The following PREX2 variants were observed in gnomAD, a reference collection of about 807,000 sequenced individuals.
PREX2 encodes phosphatidylinositol 3,4,5-trisphosphate-dependent Rac exchanger 2 protein.
A neutral mutation model predicts 203.2 loss-of-function variants in PREX2; 107 were observed. The ratio of observed to expected loss-of-function variants is 0.53; its 90% CI spans 0.45 to 0.62. The LOEUF (loss-of-function observed/expected upper bound fraction) is 0.62, where lower values mean the gene tolerates loss of function less well. Among genes scored for constraint, PREX2 ranks in the 20% least tolerant of loss-of-function variants. The pLI is 0.00. For missense variants in PREX2, 1,777 were observed against 1,955.9 expected (o/e 0.91, Z 1.72); for synonymous variants, 672 against 663.6 (o/e 1.01, Z -0.19).
intron 9 of PREX2, 60 bp downstream of exon 9, chr8:68,053,306 A>G: frequency 6.5e-7 from 1 of 1,540,704 alleles, no homozygotes; most frequent in Non-Finnish European, 8.9e-7. Flanking sequence ...GCATAGGAGC[A>G]GATAATGGGA....
At chr8:67,990,833 G>A (rs374729621) in intron 1 of PREX2, among the ~76,000 whole-genome samples, 7 of 152,062 alleles carry the variant, frequency 4.6e-5, no homozygotes, top group South Asian at 2.1e-4. Flanking sequence ...TTGATGTGCC[G>A]CCAGGGATAA....
At chr8:68,089,308 T>C (rs1404363282) in intron 19 of PREX2, among the ~76,000 whole-genome samples, 1 of 152,226 alleles carries the variant, frequency 6.6e-6, no homozygotes, top group Non-Finnish European at 1.5e-5. Flanking sequence ...AAATGTGTCC[T>C]TGATCAGTTT....
chr8:68,215,454 G>A (rs192891788), intron 37 of PREX2, among the ~76,000 whole-genome samples: 13 of 152,090 alleles, frequency 8.5e-5, no homozygotes, highest in African/African-American at 2.9e-4. Context: ...ATTTAAAATC[G>A]CAGTGGAGGA....
chr8:68,064,565 A>G (rs546174509), intron 11 of PREX2, among the ~76,000 whole-genome samples: 130 of 151,640 alleles, frequency 8.6e-4, no homozygotes, highest in African/African-American at 3.1e-3. Context: ...ATTTGTAGAA[A>G]TGAGGTCTTG....
intron 11 of PREX2, among the ~76,000 whole-genome samples, chr8:68,062,349 C>T (rs530773930): frequency 6.6e-6 from 1 of 152,256 alleles, no homozygotes; most frequent in Non-Finnish European, 1.5e-5. Flanking sequence ...CTGTTTATAA[C>T]CATCTAATTG....
intron 23 of PREX2, chr8:68,105,676 ATGGAT>A: frequency 6.6e-5 from 18 of 273,910 alleles, no homozygotes; most frequent in Non-Finnish European, 6.8e-5. Flanking sequence ...CCATATATAT[ATGGAT>A]TATATATATA....
intron 7 of PREX2, among the ~76,000 whole-genome samples, chr8:68,042,331 T>G (rs1032120597): frequency 6.6e-6 from 1 of 152,082 alleles, no homozygotes; most frequent in Non-Finnish European, 1.5e-5. Flanking sequence ...TTTTAAAAAG[T>G]TATGATGTAG....
At chr8:68,062,408 C>T (rs1221373890) in intron 11 of PREX2, among the ~76,000 whole-genome samples, 2 of 152,168 alleles carry the variant, frequency 1.3e-5, no homozygotes, top group African/African-American at 4.8e-5. Context: ...ATGCCCTAAA[C>T]TTCTTACCAT....
intron 4 of PREX2, among the ~76,000 whole-genome samples, chr8:68,023,846 T>C (rs1054381069): frequency 6.6e-6 from 1 of 152,118 alleles, no homozygotes; most frequent in African/African-American, 2.4e-5. Flanking sequence ...TCTAAATTTA[T>C]GTATTTGGTA....
intron 35 of PREX2, among the ~76,000 whole-genome samples, chr8:68,182,141 TC>T (rs1298156677): frequency 6.6e-6 from 1 of 152,090 alleles, no homozygotes; most frequent in African/African-American, 2.4e-5. Context: ...AAAGGAAAGC[TC>T]AGCCTCTTAT....
intron 31 of PREX2, among the ~76,000 whole-genome samples, chr8:68,133,831 A>G (rs1811055172): frequency 6.6e-6 from 1 of 152,206 alleles, no homozygotes; most frequent in African/African-American, 2.4e-5. Context: ...CACAATATTG[A>G]TTAGGAAAAA....
intron 11 of PREX2, among the ~76,000 whole-genome samples, chr8:68,068,368 A>G (rs576986471): frequency 1.3e-5 from 2 of 152,214 alleles, no homozygotes; most frequent in African/African-American, 4.8e-5. Flanking sequence ...GAGGATGGTA[A>G]TAAAGAATGA....
chr8:68,053,134 A>G lies in PREX2; in HGVS notation c.981A>G (p.Gly327=). ...FHSSGHIVVN[G]WKIHNTAKNK... ...GCAGTGGACACATTGTTGTTAATGG[A>G]TGGAAGATACATAACACAGCAAAAA... is the stretch of plus-strand genomic sequence containing the variant. Residue 327 remains glycine (G), a synonymous_variant, in exon 9 of 40, where the codon GGA becomes GGG. Transcript: ENST00000288368. The G allele has an allele frequency of 1.2e-6, 2 of 1,613,506 alleles. No individual in the cohort carries two copies. The highest frequency in any genetic ancestry group is 1.7e-6 in the Non-Finnish European group (2 of 1,179,618).
chr8:68,114,081 C>T (rs528363014), intron 25 of PREX2, among the ~76,000 whole-genome samples: 124 of 152,174 alleles, frequency 8.1e-4, no homozygotes, highest in African/African-American at 2.6e-3. Context: ...AGGCTGGTCT[C>T]GAACTCCTGA....
chr8:67,991,224 A>G (rs1258177084), intron 1 of PREX2, among the ~76,000 whole-genome samples: 1 of 152,162 alleles, frequency 6.6e-6, no homozygotes, highest in Non-Finnish European at 1.5e-5. Flanking sequence ...ACCCAAGCTC[A>G]TACAACTCTT....
chr8:68,166,996 T>C (rs1490799377), intron 35 of PREX2, among the ~76,000 whole-genome samples: 1 of 152,182 alleles, frequency 6.6e-6, no homozygotes, highest in South Asian at 2.1e-4. Flanking sequence ...AATGCAAAAT[T>C]AAAGCATTTG....
chr8:68,099,792 T>A lies in PREX2; in HGVS notation c.2664T>A (p.Leu888=), dbSNP rs756926923. Reference sequence around the variant, plus strand: ...ACCTTCAGAGTAAATTCAGTGCCCTTTGCAGTGAAAGAATTGAACACCTAT... The same window carrying A: ...ACCTTCAGAGTAAATTCAGTGCCCTATGCAGTGAAAGAATTGAACACCTAT... The part of the protein sequence containing the change: ...PTDLQSKFSA[L]CSERIEHLCQ... The change falls in exon 23 of 40, where the codon CTT becomes CTA. Residue 888 remains leucine, a synonymous_variant. Transcript: ENST00000288368. 1.2e-6 allele frequency: 2 copies of A among 1,612,662 alleles called. No individual in the cohort carries two copies. Among genetic ancestry groups the A allele is most frequent in the African/African-American group, 2.7e-5 (2 of 74,872 alleles).
chr8:68,152,562 T>A (rs1435218032), intron 34 of PREX2, among the ~76,000 whole-genome samples: 2 of 152,102 alleles, frequency 1.3e-5, no homozygotes, highest in Non-Finnish European at 2.9e-5. Flanking sequence ...AAATTCATAG[T>A]TTATTGCAAG....
At chr8:67,991,919 TC>T (rs1191887723) in intron 1 of PREX2, among the ~76,000 whole-genome samples, 1 of 152,234 alleles carries the variant, frequency 6.6e-6, no homozygotes, top group Non-Finnish European at 1.5e-5. Flanking sequence ...GGAATCCTTC[TC>T]GATTTTTAAA....
Sources: gnomAD v4.1 joint callset for allele counts (sites outside exome capture counted in the v4.1 genomes callset) on GRCh38, gnomAD v4.1.1 for gene constraint, MANE v1.5 for transcripts, NCBI Gene and HGNC (gene_info 2026-07-23, HGNC 2026-07-21) for gene names.